The following SNTA1 variants were observed in gnomAD, a reference collection of about 807,000 sequenced individuals.
The protein encoded by SNTA1 is syntrophin alpha 1, also known as alpha-1-syntrophin.
In SNTA1, 31 loss-of-function variants were observed where a neutral mutation model predicts 47.1. The observed-to-expected ratio is 0.66, with a 90% confidence interval of 0.49 to 0.89. SNTA1 has a LOEUF of 0.89. SNTA1 is among the 40% of genes least tolerant of loss of function. SNTA1 has a pLI of 0.00. For synonymous variants in SNTA1, 300 were observed against 313.6 expected, an observed-to-expected ratio of 0.96 and a Z score of 0.46; for missense variants, 575 against 693.0, an observed-to-expected ratio of 0.83 and a Z score of 1.91.
intron 2 of SNTA1, among the ~76,000 whole-genome samples, chr20:33,425,282 C>T (rs900938926): frequency 1.3e-5 from 2 of 151,748 alleles, no homozygotes; most frequent in Admixed American, 6.6e-5. Context: ...TAAATAAGTA[C>T]GTAAGTAAAT....
At chr20:33,441,212 A>G (rs141639179) in intron 1 of SNTA1, among the ~76,000 whole-genome samples, 11 of 152,328 alleles carry the variant, frequency 7.2e-5, no homozygotes, top group Admixed American at 6.5e-4. Flanking sequence ...CCTATTAGGG[A>G]AACTGAAGTG....
At chr20:33,434,595 AC>A (rs1990390102) in intron 2 of SNTA1, among the ~76,000 whole-genome samples, 1 of 152,180 alleles carries the variant, frequency 6.6e-6, no homozygotes, top group Non-Finnish European at 1.5e-5. Context: ...TCTGTAGTAG[AC>A]ATTGCTAATC....
rs11405336 is a variant in SNTA1 at position 33,428,578 on chromosome 20, AT to A, written c.496+10262del. The stretch of plus-strand genomic sequence containing the variant: ...TGATCCCTTTACACTCTCGTTGGTA[AT>A]TTTTTTTTTTTAAGAGACAGTGTCT... On this transcript the variant is annotated intron_variant, in intron 2 of 7. Transcript: ENST00000217381. Among the ~76,000 whole-genome samples, 254 of 146,938 alleles carry A rather than the reference AT, an allele frequency of 1.7e-3. 2 individuals are homozygous for A. Among genetic ancestry groups the A allele is most frequent in the East Asian group, 0.011 (54 of 5,054 alleles).
intron 2 of SNTA1, among the ~76,000 whole-genome samples, chr20:33,421,849 C>T (rs1176707517): frequency 2.7e-5 from 4 of 146,750 alleles, no homozygotes; most frequent in African/African-American, 7.6e-5. Flanking sequence ...CCCAGCTACT[C>T]GGGAGGCTGA....
intron 1 of SNTA1, among the ~76,000 whole-genome samples, chr20:33,440,282 C>T (rs574548490): frequency 6.6e-6 from 1 of 151,996 alleles, no homozygotes; most frequent in South Asian, 2.1e-4. Context: ...ATGGCAAAAC[C>T]CCATCTCTTC....
intron 2 of SNTA1, among the ~76,000 whole-genome samples, chr20:33,430,060 C>A (rs1188886179): frequency 2.0e-5 from 3 of 152,042 alleles, no homozygotes; most frequent in African/African-American, 7.2e-5. Flanking sequence ...AAATATACCA[C>A]CACATACCAA....
intron 2 of SNTA1, among the ~76,000 whole-genome samples, chr20:33,421,619 AT>A (rs1178172128): frequency 6.6e-6 from 1 of 151,656 alleles, no homozygotes; most frequent in Non-Finnish European, 1.5e-5. Context: ...TCTCAAAAAA[AT>A]AATAATAAAA....
chr20:33,409,571 G>C (rs57534918), intron 6 of SNTA1, among the ~76,000 whole-genome samples: 21,634 of 151,412 alleles, frequency 0.14, 2,064 homozygotes, highest in East Asian at 0.39. Context: ...AGTGATTCTC[G>C]TGCCTCAGCT....
At chr20:33,422,653 T>C (rs1382947506) in intron 2 of SNTA1, among the ~76,000 whole-genome samples, 1 of 151,888 alleles carries the variant, frequency 6.6e-6, no homozygotes, top group Non-Finnish European at 1.5e-5. Flanking sequence ...GTGGTGTGCA[T>C]CTGTAGTCCT....
Position 33,408,588 on chromosome 20 carries a change from C to T in SNTA1, c.1437G>A (p.Leu479=), listed in dbSNP as rs780011608. 1.4e-5 allele frequency: 22 copies of T among 1,614,032 alleles called. No individual in the cohort carries two copies. The South Asian group carries it at 2.4e-4, about 18-fold the overall frequency. Residue 479 remains leucine (L), a synonymous_variant, in exon 8 of 8, where the codon CTG becomes CTA. Coordinates refer to ENST00000217381, the MANE Select transcript of SNTA1 (RefSeq NM_003098.3). The part of the protein sequence containing the change: ...GGAEGEIQLD[L]HSCPKTIVFI... ...AGACTATGGTTTTGGGACACGAGTG[C>T]AGGTCCAGCTGCTGGAGGGTGGATG...
At chr20:33,423,929 C>T (rs1370974677) in intron 2 of SNTA1, among the ~76,000 whole-genome samples, 1 of 152,116 alleles carries the variant, frequency 6.6e-6, no homozygotes, top group African/African-American at 2.4e-5. Context: ...GTTTACTAGC[C>T]CATGGCCTTT....
At chr20:33,415,147 AATAAC>A (rs1424023184) in intron 3 of SNTA1, among the ~76,000 whole-genome samples, 1 of 152,294 alleles carries the variant, frequency 6.6e-6, no homozygotes, top group East Asian at 1.9e-4. Flanking sequence ...TACACATACA[AATAAC>A]ATATAAACAA....
rs749357105 is a variant in SNTA1, at chr20:33,438,829, G to A, written c.496+12C>T. ...ACCCAGCCCCTCTGAACCCTGGAAC[G>A]TCAGTGCTTACCCTCCAGCACCACC... On this transcript the variant is annotated intron_variant, in intron 2 of 7. Transcript: ENST00000217381. 1.2e-5 allele frequency: 19 copies of A among 1,611,142 alleles called. No individual in the cohort carries two copies. The highest frequency in any genetic ancestry group is 4.5e-5 in the East Asian group (2 of 44,870).
chr20:33,411,418 C>T (rs1989739160), intron 5 of SNTA1, among the ~76,000 whole-genome samples: 1 of 152,046 alleles, frequency 6.6e-6, no homozygotes, highest in Admixed American at 6.6e-5. Context: ...AGCACGGAGC[C>T]CTGTTAATTT....
chr20:33,441,420 T>C (rs1990574116), intron 1 of SNTA1, among the ~76,000 whole-genome samples: 1 of 152,160 alleles, frequency 6.6e-6, no homozygotes. Flanking sequence ...GAGGTCATTG[T>C]TCCAAGGTCA....
chr20:33,417,779 T>G lies in SNTA1; in HGVS notation c.641A>C (p.His214Pro). Residue 214 changes from histidine (H) to proline (P), a missense_variant, in exon 3 of 8, where the codon CAC becomes CCC. Coordinates refer to ENST00000217381, the MANE Select transcript of SNTA1 (RefSeq NM_003098.3). ...GACATATGCCATCTTCAAGGACATG[T>G]GTTTGGCCTCGCTGAAGTTCCGGGG... The part of the protein sequence containing the change: ...PTPRNFSEAK[H>P]MSLKMAYVSK... 6.2e-7 allele frequency: 1 copy of G among 1,614,072 alleles called. No individual in the cohort carries two copies. Among genetic ancestry groups the G allele is most frequent in the Non-Finnish European group, 8.5e-7 (1 of 1,180,008 alleles).
rs566216703 is a variant in SNTA1 at position 33,442,725 on chromosome 20, A to C, written c.310+586T>G. ...GGGGGCTGAAAGCTCTATCCTGTGC[A>C]AGGTGGAGATAGTCAGATCAGGAGA... is the stretch of plus-strand genomic sequence containing the variant. On this transcript the variant is annotated intron_variant, in intron 1 of 7. Coordinates refer to ENST00000217381, the MANE Select transcript of SNTA1 (RefSeq NM_003098.3). Among the ~76,000 whole-genome samples the C allele has an allele frequency of 3.3e-5, 5 of 152,234 alleles. 1 individual carries two copies. In the East Asian group the frequency reaches 9.6e-4, roughly 29 times the overall value.
intron 3 of SNTA1, 39 bp downstream of exon 3, chr20:33,417,680 G>C (rs997070433): frequency 1.4e-6 from 2 of 1,452,586 alleles, no homozygotes; most frequent in Admixed American, 3.3e-5. Flanking sequence ...TGACGCCAGG[G>C]CATCTGTCCA....
At chr20:33,429,763 G>A (rs1479033037) in intron 2 of SNTA1, among the ~76,000 whole-genome samples, 1 of 152,094 alleles carries the variant, frequency 6.6e-6, no homozygotes, top group Non-Finnish European at 1.5e-5. Flanking sequence ...ATAGGCATGA[G>A]CCACTTATTT....
Sources: allele counts gnomAD v4.1 joint callset (sites outside exome capture counted in the v4.1 genomes callset), GRCh38; gene constraint gnomAD v4.1.1; transcripts MANE v1.5; gene names NCBI Gene and HGNC (gene_info 2026-07-23, HGNC 2026-07-21).